KLHL29: variants seen among roughly 807,000 people sequenced by gnomAD.
KLHL29 encodes kelch like family member 29, also known as kelch-like protein 29.
KLHL29 carries 21 observed loss-of-function variants against 80.4 expected under a neutral mutation model. That is an observed-to-expected ratio of 0.26 (90% CI 0.19 to 0.38). KLHL29 has a LOEUF of 0.38. Ranked by LOEUF, KLHL29 falls within the 10% of genes least tolerant of loss-of-function variation. The probability of loss-of-function intolerance (pLI) is 1.00; values close to 1 mark genes in which losing one functional copy is unlikely to be tolerated. For missense variants in KLHL29, 867 were observed against 1,223.9 expected (o/e 0.71, Z 4.35); for synonymous variants, 511 against 526.8 (o/e 0.97, Z 0.41).
chr2:23,671,571 A>G (rs1371361628), intron 5 of KLHL29, among the ~76,000 whole-genome samples: 2 of 152,096 alleles, frequency 1.3e-5, no homozygotes, highest in African/African-American at 4.8e-5. Context: ...TGACCCTTCT[A>G]TTTCCAAAGC....
chr2:23,585,809 C>G (rs1424770989), intron 3 of KLHL29, among the ~76,000 whole-genome samples: 2 of 152,152 alleles, frequency 1.3e-5, no homozygotes, highest in East Asian at 3.9e-4. Context: ...AGCCGCCCTC[C>G]CAGAAACGAA....
At chr2:23,525,145 G>A (rs1666262398) in intron 2 of KLHL29, among the ~76,000 whole-genome samples, 1 of 152,212 alleles carries the variant, frequency 6.6e-6, no homozygotes, top group Admixed American at 6.5e-5. Context: ...AAGGTGCTGG[G>A]AGCTAAGTAT....
chr2:23,405,440 T>A (rs2577744), intron 1 of KLHL29, among the ~76,000 whole-genome samples: 119,165 of 152,164 alleles, frequency 0.78, 46,782 homozygotes, highest in South Asian at 0.87. Context: ...ATGTAATCCC[T>A]GAATAGAGGG....
intron 3 of KLHL29, among the ~76,000 whole-genome samples, chr2:23,627,045 G>A (rs563463997): frequency 3.3e-5 from 5 of 152,072 alleles, no homozygotes; most frequent in African/African-American, 1.2e-4. Context: ...TCCCCGCCCC[G>A]CTCCTCCCCA....
In KLHL29 at chr2:23,654,695, T is replaced by TGGGGGGGGGGG. The variant is rs769363801; in HGVS notation, c.940+11845_940+11846insGGGGGGGGGGG. ...CTTCTCTTCCAGAAGGGAACAGAGG[T>TGGGGGGGGGGG]TGGGGGGGGGGGGTGGATGTTTTGT... On this transcript the variant is annotated intron_variant, in intron 5 of 13. Transcript: ENST00000486442. 3.2e-4 allele frequency among the ~76,000 whole-genome samples: 11 copies of TGGGGGGGGGGG among 34,244 alleles called. 1 individual carries two copies. The highest frequency in any genetic ancestry group is 1.7e-3 in the Admixed American group (4 of 2,394). The allele number at this position is 34,244 out of a possible 152,430, so 22.5% of individuals were successfully genotyped here. A position where few individuals can be genotyped will look rare whatever the true frequency, so the allele number is the denominator to read the frequency against.
At chr2:23,403,284 G>C (rs1666639779) in intron 1 of KLHL29, among the ~76,000 whole-genome samples, 1 of 152,110 alleles carries the variant, frequency 6.6e-6, no homozygotes, top group African/African-American at 2.4e-5. Flanking sequence ...CATTAAGACT[G>C]ATGAAAACAG....
At chr2:23,392,772 T>A (rs1666350652) in intron 1 of KLHL29, among the ~76,000 whole-genome samples, 1 of 152,228 alleles carries the variant, frequency 6.6e-6, no homozygotes, top group Non-Finnish European at 1.5e-5. Flanking sequence ...CATGCGCCTA[T>A]GTCTTTGTTT....
At chr2:23,694,499 A>T (rs1558445334) in intron 8 of KLHL29, among the ~76,000 whole-genome samples, 2 of 152,082 alleles carry the variant, frequency 1.3e-5, no homozygotes, top group Non-Finnish European at 2.9e-5. Context: ...TGAACATCTC[A>T]TCCATCCACT....
At chr2:23,428,290 T>TC (rs2103406589) in intron 1 of KLHL29, among the ~76,000 whole-genome samples, 1 of 152,274 alleles carries the variant, frequency 6.6e-6, no homozygotes, top group African/African-American at 2.4e-5. Context: ...TCTTCCGCTG[T>TC]CCCCCTGCAT....
In KLHL29 at chr2:23,610,320, A is replaced by G. The variant is rs76038365; in HGVS notation, c.286-28819A>G. ...CGTTCTGGTGTGCTTTGGAGAACCA[A>G]TTGATTTCCCAGCTCCCTATCTTGT... On this transcript the variant is annotated intron_variant, in intron 3 of 13. Coordinates refer to ENST00000486442, the MANE Select transcript of KLHL29 (RefSeq NM_052920.2). Among the ~76,000 whole-genome samples, 827 of 152,302 alleles carry G rather than the reference A, an allele frequency of 5.4e-3. 9 individuals carry two copies. The highest frequency in any genetic ancestry group is 0.019 in the African/African-American group (806 of 41,572).
chr2:23,594,124 C>G (rs910661740), intron 3 of KLHL29, among the ~76,000 whole-genome samples: 1 of 152,086 alleles, frequency 6.6e-6, no homozygotes, highest in South Asian at 2.1e-4. Flanking sequence ...ACAGGGGTGT[C>G]GAGGAGTTGA....
chr2:23,670,783 C>T (rs1307442314), intron 5 of KLHL29, among the ~76,000 whole-genome samples: 1 of 152,002 alleles, frequency 6.6e-6, no homozygotes, highest in Admixed American at 6.5e-5. Context: ...TAAACTGACC[C>T]GGGCCAGGTT....
At chr2:23,451,578 G>A (rs530320588) in intron 1 of KLHL29, among the ~76,000 whole-genome samples, 13 of 152,304 alleles carry the variant, frequency 8.5e-5, no homozygotes, top group African/African-American at 3.1e-4. Context: ...TTGAGGCTCT[G>A]AGGTTCTGCC....
At position 23,669,781 on chromosome 2, in the gene KLHL29, G is replaced by A. The variant is rs777851822; in HGVS notation, c.941-14618G>A. On this transcript the variant is annotated intron_variant, in intron 5 of 13. Coordinates refer to ENST00000486442, the MANE Select transcript of KLHL29 (RefSeq NM_052920.2). The surrounding 1 kb of genome is among the most constrained non-coding windows in gnomAD (Gnocchi z 4.3). ...GCCCCCAGAACCCAGGGCTGCAGCC[G>A]AGTACACAGGCCTGGCCCCGCCAGC... 3.3e-5 allele frequency among the ~76,000 whole-genome samples: 5 copies of A among 152,160 alleles called. No homozygotes were observed. The highest frequency in any genetic ancestry group is 1.3e-4 in the Admixed American group (2 of 15,286).
chr2:23,469,700 G>A (rs997925493), intron 1 of KLHL29, among the ~76,000 whole-genome samples: 7 of 152,104 alleles, frequency 4.6e-5, no homozygotes, highest in Non-Finnish European at 7.4e-5. Context: ...GAGTTGAACC[G>A]TGGAGGCAAT....
At chr2:23,422,511 T>C (rs1400674574) in intron 1 of KLHL29, among the ~76,000 whole-genome samples, 1 of 151,534 alleles carries the variant, frequency 6.6e-6, no homozygotes, top group Non-Finnish European at 1.5e-5. Context: ...CTGTGTGTTA[T>C]GTGTGTCTCT....
At chr2:23,504,116 C>A (rs1665528504) in intron 2 of KLHL29, among the ~76,000 whole-genome samples, 1 of 152,052 alleles carries the variant, frequency 6.6e-6, no homozygotes, top group South Asian at 2.1e-4. Context: ...GAGAGCAATC[C>A]CAGGTCATCA....
chr2:23,590,099 G>T (rs1363184482), intron 3 of KLHL29, among the ~76,000 whole-genome samples: 1 of 152,232 alleles, frequency 6.6e-6, no homozygotes, highest in Non-Finnish European at 1.5e-5. Flanking sequence ...CAGAGGCCTA[G>T]AGAGGGAAGG....
chr2:23,598,291 C>T (rs920100309), intron 3 of KLHL29, among the ~76,000 whole-genome samples: 4 of 152,148 alleles, frequency 2.6e-5, no homozygotes, highest in African/African-American at 9.7e-5. Flanking sequence ...AGTTCATTTA[C>T]CAAGATCATT....
Sources: gnomAD v4.1 joint callset for allele counts (sites outside exome capture counted in the v4.1 genomes callset) on GRCh38, gnomAD v4.1.1 for gene constraint, Gnocchi (gnomAD v3.1) non-coding constraint, MANE v1.5 for transcripts, NCBI Gene and HGNC (gene_info 2026-07-23, HGNC 2026-07-21) for gene names.